The following ACACA variants were observed in gnomAD, a reference collection of about 807,000 sequenced individuals.
ACACA encodes acetyl-CoA carboxylase 1.
In ACACA, 103 loss-of-function variants were observed where a neutral mutation model predicts 296.1. That is an observed-to-expected ratio of 0.35 (90% CI 0.30 to 0.41). ACACA has a LOEUF of 0.41. Ranked by LOEUF, ACACA falls within the 10% of genes least tolerant of loss-of-function variation. The probability of loss-of-function intolerance (pLI) is 1.00; values close to 1 mark genes in which losing one functional copy is unlikely to be tolerated. For synonymous variants in ACACA, 953 were observed against 1,038.6 expected (o/e 0.92, Z 1.58); for missense variants, 1,554 against 2,989.7 (o/e 0.52, Z 11.20).
chr17:37,247,940 C>T (rs1054282574), intron 18 of ACACA, 71 bp downstream of exon 18: 2 of 1,594,670 alleles, frequency 1.3e-6, no homozygotes, highest in South Asian at 1.1e-5. Context: ...GGGAAAATCC[C>T]AAGAGCTAGT....
intron 18 of ACACA, among the ~76,000 whole-genome samples, chr17:37,247,700 G>A (rs963703668): frequency 2.0e-5 from 3 of 152,090 alleles, no homozygotes; most frequent in African/African-American, 7.2e-5. Flanking sequence ...AAAACAGTAT[G>A]TACATGAGTG....
intron 52 of ACACA, among the ~76,000 whole-genome samples, chr17:37,099,465 AGGGATG>A (rs2073191069): frequency 1.3e-5 from 2 of 151,242 alleles, no homozygotes; most frequent in African/African-American, 4.8e-5. Context: ...GGGAGGGCTG[AGGGATG>A]GAGGGCTGAT....
chr17:37,251,649 C>G (rs75348310), intron 16 of ACACA, among the ~76,000 whole-genome samples: 2,694 of 152,274 alleles, frequency 0.018, 69 homozygotes, highest in African/African-American at 0.061. Context: ...ACAAGTAATA[C>G]ATGAAATATT....
intron 3 of ACACA, 124 bp from the exon 4 acceptor site, chr17:37,285,094 G>A (rs879267994): frequency 2.3e-5 from 25 of 1,075,432 alleles, no homozygotes; most frequent in Admixed American, 8.7e-5. Context: ...GGCAGGTCAC[G>A]TACTTTTCAA....
rs938508736 is a variant in ACACA at position 37,269,981 on chromosome 17, CA to C, written c.1119+769del. ...TGTGAGGGTAACTCTGAGGACAGAA[CA>C]AAAAGAGACCCCTGTCTCCCTTTTC... On this transcript the variant is annotated intron_variant, in intron 10 of 55. Coordinates refer to ENST00000616317, the MANE Select transcript of ACACA (RefSeq NM_198834.3). Among the ~76,000 whole-genome samples the C allele has an allele frequency of 2.0e-4, 30 of 152,242 alleles. No individual in the cohort carries two copies. The Middle Eastern group carries it at 0.01, about 52-fold the overall frequency.
At chr17:37,098,880 C>T (rs1346709123) in intron 52 of ACACA, among the ~76,000 whole-genome samples, 1 of 152,204 alleles carries the variant, frequency 6.6e-6, no homozygotes, top group East Asian at 1.9e-4. Context: ...TATGGTGTGC[C>T]TTTCTTCCTA....
chr17:37,371,172 C>A (rs529492385), intron 1 of ACACA, among the ~76,000 whole-genome samples: 1 of 151,948 alleles, frequency 6.6e-6, no homozygotes, highest in South Asian at 2.1e-4. Context: ...CTCCACCTCC[C>A]GCGTTCAAGT....
intron 52 of ACACA, among the ~76,000 whole-genome samples, chr17:37,103,498 G>T (rs979241316): frequency 5.9e-5 from 9 of 152,194 alleles, no homozygotes; most frequent in Admixed American, 5.9e-4. Flanking sequence ...AAGTTGGTGT[G>T]TACACGTGTG....
In ACACA at chr17:37,389,155, G is replaced by C. The variant is rs142422952; in HGVS notation, c.38+17107C>G. 315 of 1,435,290 alleles carry C rather than the reference G, an allele frequency of 2.2e-4. 1 individual carries two copies. In the African/African-American group the frequency reaches 3.2e-3, roughly 15 times the overall value. 88.9% of individuals were successfully genotyped at this position (1,435,290 alleles called of 1,614,324 possible). On this transcript the variant is annotated intron_variant, in intron 1 of 55. Coordinates refer to ENST00000616317, the MANE Select transcript of ACACA (RefSeq NM_198834.3). ...CTGAATATTTTATTTAGAAGAGATG[G>C]CTTCCTTTAAGTTGCCCAACAAGAG...
At chr17:37,117,497 T>G (rs183377969) in intron 50 of ACACA, among the ~76,000 whole-genome samples, 1 of 152,240 alleles carries the variant, frequency 6.6e-6, no homozygotes, top group African/African-American at 2.4e-5. Context: ...ATTTGCATCC[T>G]ATCAAGCTAT....
intron 35 of ACACA, among the ~76,000 whole-genome samples, chr17:37,198,511 T>C (rs182095772): frequency 8.5e-4 from 129 of 152,320 alleles, no homozygotes; most frequent in Admixed American, 7.9e-3. Context: ...CCATGGGCTT[T>C]CATATTCTAT....
chr17:37,258,510 A>G, intron 12 of ACACA, 137 bp from the exon 13 acceptor site: 2 of 788,336 alleles, frequency 2.5e-6, no homozygotes, highest in Non-Finnish European at 2.1e-6. Flanking sequence ...TGTATTCTAC[A>G]ATCATCAACT....
chr17:37,267,023 TAA>T lies in ACACA; in HGVS notation c.1120-3131_1120-3130del, dbSNP rs201170993. 6.5e-3 allele frequency among the ~76,000 whole-genome samples: 995 copies of T among 152,362 alleles called. 7 individuals carry two copies. Among genetic ancestry groups the T allele is most frequent in the Middle Eastern group, 0.051 (15 of 294 alleles). ...TCAGCCTACACCTATGAGCCAGTTT[TAA>T]AGTCAATGTCTTACGTTTTACTTTT... On this transcript the variant is annotated intron_variant, in intron 10 of 55. Transcript: ENST00000616317.
At chr17:37,239,132 T>C (rs2080264641) in intron 24 of ACACA, among the ~76,000 whole-genome samples, 1 of 152,008 alleles carries the variant, frequency 6.6e-6, no homozygotes. Flanking sequence ...TCTAGCCTGC[T>C]ATTTTAATTT....
At chr17:37,199,556 T>G (rs2078154857) in intron 35 of ACACA, among the ~76,000 whole-genome samples, 1 of 152,198 alleles carries the variant, frequency 6.6e-6, no homozygotes, top group Non-Finnish European at 1.5e-5. Flanking sequence ...TTTTTACTTA[T>G]TTCCTGTTCC....
In ACACA at chr17:37,220,024, C is replaced by T. The variant is rs766400101; in HGVS notation, c.3683+1700G>A. Reference sequence around the variant, plus strand: ...AGCAGGTTTAGAATTACACTGACAACCAAGGGAGACTTCAGGGAGATTACA... The same window carrying T: ...AGCAGGTTTAGAATTACACTGACAATCAAGGGAGACTTCAGGGAGATTACA... On this transcript the variant is annotated intron_variant, in intron 29 of 55. Coordinates refer to ENST00000616317, the MANE Select transcript of ACACA (RefSeq NM_198834.3). Among the ~76,000 whole-genome samples the T allele has an allele frequency of 5.7e-4, 86 of 152,146 alleles. 1 individual carries two copies. In the Middle Eastern group the frequency reaches 0.014, roughly 24 times the overall value.
At chr17:37,142,342 A>T (rs983323944) in intron 45 of ACACA, among the ~76,000 whole-genome samples, 1 of 152,230 alleles carries the variant, frequency 6.6e-6, no homozygotes, top group Middle Eastern at 3.2e-3. Context: ...TAGAGTCAAA[A>T]CATAACCTGG....
chr17:37,162,011 C>G lies in ACACA; in HGVS notation c.5119G>C (p.Glu1707Gln), dbSNP rs1283168832. The change falls in exon 42 of 56, where the codon GAA becomes CAA. Residue 1707 changes from glutamate (E) to glutamine (Q), a missense_variant. Glu to Gln is a conservative substitution (Grantham distance 29, BLOSUM62 2). Coordinates refer to ENST00000616317, the MANE Select transcript of ACACA (RefSeq NM_198834.3). ...VAWKMTFKSP[E>Q]YPEGRDIIVI... Reference sequence around the variant, plus strand: ...ATGATATCTCGGCCTTCTGGATATTCAGGACTTTTAAAGGTCATTTTCCAA... The same window carrying G: ...ATGATATCTCGGCCTTCTGGATATTGAGGACTTTTAAAGGTCATTTTCCAA... 6.2e-7 allele frequency: 1 copy of G among 1,614,182 alleles called. No individual in the cohort carries two copies. Among genetic ancestry groups the G allele is most frequent in the Non-Finnish European group, 8.5e-7 (1 of 1,180,030 alleles).
At chr17:37,254,056 G>A (rs753593258) in intron 14 of ACACA, among the ~76,000 whole-genome samples, 48 of 152,024 alleles carry the variant, frequency 3.2e-4, no homozygotes, top group Non-Finnish European at 3.7e-4. Flanking sequence ...TATCCTGCAC[G>A]GGACAGGTAC....
Sources: allele counts gnomAD v4.1 joint callset (sites outside exome capture counted in the v4.1 genomes callset), GRCh38; gene constraint gnomAD v4.1.1; transcripts MANE v1.5; gene names NCBI Gene and HGNC (gene_info 2026-07-23, HGNC 2026-07-21).